The following HIPK2 variants were observed in gnomAD, a reference collection of about 807,000 sequenced individuals.
The protein encoded by HIPK2 is homeodomain interacting protein kinase 2, also known as homeodomain-interacting protein kinase 2.
Under a neutral mutation model 113.7 loss-of-function variants are expected in HIPK2, and 27 were observed. The observed-to-expected ratio is 0.24, with a 90% CI of 0.17 to 0.33. HIPK2 has a LOEUF of 0.33. Ranked by LOEUF, HIPK2 falls within the 10% of genes least tolerant of loss-of-function variation. HIPK2 has a pLI of 1.00. For synonymous variants in HIPK2, 631 were observed against 642.2 expected, an observed-to-expected ratio of 0.98 and a Z score of 0.26; for missense variants, 1,257 against 1,588.0, an observed-to-expected ratio of 0.79 and a Z score of 3.54.
At chr7:139,763,476 C>G (rs56124209) in intron 1 of HIPK2, among the ~76,000 whole-genome samples, 16,238 of 136,804 alleles carry the variant, frequency 0.12, 1,317 homozygotes, top group Non-Finnish European at 0.16. Context: ...GAACACGCCC[C>G]CCCCCCCACA....
intron 1 of HIPK2, among the ~76,000 whole-genome samples, chr7:139,741,364 C>T (rs1386627975): frequency 6.6e-6 from 1 of 152,148 alleles, no homozygotes; most frequent in Non-Finnish European, 1.5e-5. Flanking sequence ...TCACTCTGGA[C>T]CCCATCCTTC....
chr7:139,640,942 T>G lies in HIPK2; in HGVS notation c.1104-9217A>C, dbSNP rs533449072. Among the ~76,000 whole-genome samples the G allele has an allele frequency of 7.8e-4, 119 of 152,340 alleles. 1 individual carries two copies. The South Asian group carries it at 0.024, about 30-fold the overall frequency. ...CCTCATTTTTTAAAGCCACTTTCTT[T>G]CTGATATGGAACACTCTGTTGAAAT... is the stretch of plus-strand genomic sequence containing the variant. On this transcript the variant is annotated intron_variant, in intron 2 of 14. Coordinates refer to ENST00000406875, the MANE Select transcript of HIPK2 (RefSeq NM_022740.5).
chr7:139,691,328 A>C (rs1437739086), intron 2 of HIPK2, among the ~76,000 whole-genome samples: 1 of 152,210 alleles, frequency 6.6e-6, no homozygotes, highest in Non-Finnish European at 1.5e-5. Flanking sequence ...TAGCACTCTG[A>C]CGAGCCCGTC....
rs1480935968 is a variant in HIPK2, at chr7:139,575,223, C to T, written c.3031G>A (p.Gly1011Ser). Reference protein sequence around the residue: ...KSSSNVTSTSGHSSGSSSGAI... With the variant: ...KSSSNVTSTSSHSSGSSSGAI... ...CCAGATGAGCTCCCTGAAGAGTGAC[C>T]GCTGGTGGAGGTCACGTTGCTGGAG... Residue 1011 changes from glycine to serine, a missense_variant, in exon 14 of 15, where the codon GGT becomes AGT. Gly to Ser is a moderately conservative substitution (Grantham distance 56, BLOSUM62 0). This residue lies in a region of HIPK2 where 862 missense variants were observed against 1,004.3 expected (regional missense o/e 0.86). Coordinates refer to ENST00000406875, the MANE Select transcript of HIPK2 (RefSeq NM_022740.5). 22 of 1,583,020 alleles carry T rather than the reference C, an allele frequency of 1.4e-5. No individual in the cohort carries two copies. The highest frequency in any genetic ancestry group is 1.7e-4 in the Middle Eastern group (1 of 6,040).
At chr7:139,657,216 C>A (rs902077979) in intron 2 of HIPK2, among the ~76,000 whole-genome samples, 1 of 152,228 alleles carries the variant, frequency 6.6e-6, no homozygotes, top group African/African-American at 2.4e-5. Context: ...CGACAGCTCA[C>A]CCAGGCTTCT....
intron 6 of HIPK2, among the ~76,000 whole-genome samples, chr7:139,621,100 G>A (rs1413386061): frequency 1.3e-5 from 2 of 152,190 alleles, no homozygotes; most frequent in Non-Finnish European, 2.9e-5. Context: ...TCCCACAGGG[G>A]TTGTGCAGGT....
chr7:139,590,866 A>G (rs1798995281), intron 12 of HIPK2, among the ~76,000 whole-genome samples: 1 of 152,120 alleles, frequency 6.6e-6, no homozygotes, highest in South Asian at 2.1e-4. Flanking sequence ...ATTTTTAGAG[A>G]CAGGGTCTCA....
chr7:139,674,643 C>T (rs1186537505), intron 2 of HIPK2, among the ~76,000 whole-genome samples: 10 of 152,074 alleles, frequency 6.6e-5, no homozygotes, highest in East Asian at 5.8e-4. Flanking sequence ...CTCCTTTCCA[C>T]GAAAGGAAGA....
At chr7:139,734,963 A>C (rs1795896954) in intron 1 of HIPK2, among the ~76,000 whole-genome samples, 1 of 152,220 alleles carries the variant, frequency 6.6e-6, no homozygotes, top group Non-Finnish European at 1.5e-5. Context: ...AATGACGTAA[A>C]ATGTAATTAA....
chr7:139,567,507 T>C lies in HIPK2; in HGVS notation c.*5420A>G, dbSNP rs1798130882. The C allele has an allele frequency of 6.6e-6, 1 of 152,136 alleles. No homozygotes were observed. Among genetic ancestry groups the C allele is most frequent in the Admixed American group, 6.5e-5 (1 of 15,278 alleles). 9.4% of individuals were successfully genotyped at this position (152,136 alleles called of 1,614,324 possible). ...AACGAAGGGAAGGCCATTTTGTCCA[T>C]TTCTGGAGGCGTCTTTGAGAAGGGT... On this transcript the variant is annotated 3_prime_UTR_variant, in exon 15 of 15. Transcript: ENST00000406875.
chr7:139,762,250 G>A (rs1023567181), intron 1 of HIPK2, among the ~76,000 whole-genome samples: 2 of 152,316 alleles, frequency 1.3e-5, no homozygotes, highest in Middle Eastern at 3.4e-3. Context: ...TTCTTCCCCA[G>A]ATGGTGGCAA....
chr7:139,747,693 G>T (rs766180683), intron 1 of HIPK2, among the ~76,000 whole-genome samples: 8 of 152,164 alleles, frequency 5.3e-5, no homozygotes, highest in Non-Finnish European at 1.2e-4. Flanking sequence ...GCCAAGCCAG[G>T]GTGACCCATC....
chr7:139,754,069 G>C (rs896776076), intron 1 of HIPK2, among the ~76,000 whole-genome samples: 1 of 152,174 alleles, frequency 6.6e-6, no homozygotes, highest in Non-Finnish European at 1.5e-5. Context: ...GCGGGGGCTC[G>C]AGGCCCCAGG....
chr7:139,725,980 C>T (rs2117003215), intron 1 of HIPK2, among the ~76,000 whole-genome samples: 1 of 152,242 alleles, frequency 6.6e-6, no homozygotes, highest in East Asian at 1.9e-4. Context: ...AAAATGAGGG[C>T]TGATAAGTGA....
At chr7:139,708,167 T>C (rs1165085486) in intron 2 of HIPK2, among the ~76,000 whole-genome samples, 1 of 152,068 alleles carries the variant, frequency 6.6e-6, no homozygotes, top group South Asian at 2.1e-4. Context: ...GCTGACACTC[T>C]GGAGCCCATG....
chr7:139,629,070 C>A, intron 4 of HIPK2, 31 bp from the exon 5 acceptor site: 1 of 1,544,492 alleles, frequency 6.5e-7, no homozygotes. Flanking sequence ...CAATTGGTAG[C>A]GTGACTTAGC....
chr7:139,702,713 G>A (rs1794747430), intron 2 of HIPK2, among the ~76,000 whole-genome samples: 2 of 152,174 alleles, frequency 1.3e-5, no homozygotes, highest in Admixed American at 6.5e-5. Context: ...CAGAAGCAAG[G>A]GGAGGACTCC....
rs547606393 is a variant in HIPK2 at position 139,759,616 on chromosome 7, T to G, written c.19+17989A>C. Among the ~76,000 whole-genome samples the G allele has an allele frequency of 3.0e-4, 46 of 152,304 alleles. No homozygotes were observed. The South Asian group carries it at 8.9e-3, about 29-fold the overall frequency. On this transcript the variant is annotated intron_variant, in intron 1 of 14. Transcript: ENST00000406875. ...TAAAAAAGACTGAAGATAATCTCTATGTACAAATATGCAGAGTTCCAGAAT... is the reference window on the plus strand; with the variant it reads ...TAAAAAAGACTGAAGATAATCTCTAGGTACAAATATGCAGAGTTCCAGAAT...
intron 1 of HIPK2, among the ~76,000 whole-genome samples, chr7:139,745,479 T>C (rs1585449335): frequency 6.6e-6 from 1 of 152,194 alleles, no homozygotes; most frequent in East Asian, 1.9e-4. Flanking sequence ...AGCCGGATTA[T>C]TTCACACTGC....
Sources: allele counts gnomAD v4.1 joint callset (sites outside exome capture counted in the v4.1 genomes callset), GRCh38; gene constraint gnomAD v4.1.1; regional missense constraint gnomAD v4.1.1; transcripts MANE v1.5; gene names NCBI Gene and HGNC (gene_info 2026-07-23, HGNC 2026-07-21).